BAIAP2: variants seen among roughly 807,000 people sequenced by gnomAD.
The protein encoded by BAIAP2 is BAR/IMD domain-containing adapter protein 2.
BAIAP2 carries 18 observed loss-of-function variants against 63.0 expected under a neutral mutation model. The ratio of observed to expected loss-of-function variants is 0.29; its 90% CI spans 0.20 to 0.42. BAIAP2 has a LOEUF of 0.42. Ranked by LOEUF, BAIAP2 falls within the 10% of genes least tolerant of loss-of-function variation. BAIAP2 has a pLI of 1.00. For missense variants in BAIAP2, 610 were observed against 734.3 expected, an observed-to-expected ratio of 0.83 and a Z score of 1.96; for synonymous variants, 386 against 307.6, an observed-to-expected ratio of 1.25 and a Z score of -2.67.
chr17:81,103,635 C>T lies in BAIAP2; in HGVS notation c.776C>T (p.Ser259Leu), dbSNP rs1031453012. 2.5e-6 allele frequency: 4 copies of T among 1,605,492 alleles called. No homozygotes were observed. The highest frequency in any genetic ancestry group is 2.2e-5 in the East Asian group (1 of 44,784). ...SNGATLPSAL[S>L]ASKSNLVISD... ...GGCGCCACCCTCCCCAGCGCCCTGT[C>T]GGCCTCCAAGTCCAACCTGGTCATT... The change falls in exon 8 of 14, where the codon TCG becomes TTG. Residue 259 changes from serine to leucine, a missense_variant. Ser to Leu is a moderately radical substitution (Grantham distance 145, BLOSUM62 -2). Around this residue, in one of 5 missense-constraint regions of BAIAP2, gnomAD observed 389 missense variants for 455.6 expected, o/e 0.85. Coordinates refer to ENST00000428708, the MANE Select transcript of BAIAP2 (RefSeq NM_001144888.2).
At chr17:81,101,897 C>A (rs78682947) in intron 7 of BAIAP2, among the ~76,000 whole-genome samples, 3 of 152,254 alleles carry the variant, frequency 2.0e-5, no homozygotes, top group Non-Finnish European at 4.4e-5. Context: ...GCAGGCCTCC[C>A]GCCTGCTAGA....
intron 1 of BAIAP2, among the ~76,000 whole-genome samples, chr17:81,049,804 C>A (rs752934035): frequency 1.3e-5 from 2 of 152,224 alleles, no homozygotes; most frequent in Non-Finnish European, 2.9e-5. Flanking sequence ...GGCCCCCGGA[C>A]CAGGACCTTG....
At chr17:81,080,594 C>T (rs990400372) in intron 3 of BAIAP2, among the ~76,000 whole-genome samples, 199 of 152,184 alleles carry the variant, frequency 1.3e-3, no homozygotes, top group Non-Finnish European at 2.5e-4. Context: ...TTCAGCAGTC[C>T]CTTTTTCAAA....
intron 3 of BAIAP2, among the ~76,000 whole-genome samples, chr17:81,069,136 C>T (rs1277130494): frequency 6.6e-6 from 1 of 152,202 alleles, no homozygotes; most frequent in Non-Finnish European, 1.5e-5. Context: ...GGCAGAGCAT[C>T]AACTTCTGGT....
chr17:81,051,398 T>G (rs2048663015), intron 1 of BAIAP2, among the ~76,000 whole-genome samples: 1 of 152,158 alleles, frequency 6.6e-6, no homozygotes, highest in African/African-American at 2.4e-5. Flanking sequence ...GTTTTGTTTT[T>G]TTGTATTTAT....
chr17:81,058,951 C>A (rs2050084640), intron 3 of BAIAP2, among the ~76,000 whole-genome samples: 1 of 152,190 alleles, frequency 6.6e-6, no homozygotes, highest in Admixed American at 6.5e-5. Context: ...TGTGTCACTT[C>A]CAGCTCCCAG....
intron 3 of BAIAP2, among the ~76,000 whole-genome samples, chr17:81,058,346 C>A (rs906671204): frequency 6.6e-6 from 1 of 152,182 alleles, no homozygotes; most frequent in South Asian, 2.1e-4. Flanking sequence ...TGGTGTGGCC[C>A]TGAGGAAGAC....
At chr17:81,071,368 T>A (rs2052622914) in intron 3 of BAIAP2, among the ~76,000 whole-genome samples, 1 of 152,174 alleles carries the variant, frequency 6.6e-6, no homozygotes, top group Admixed American at 6.5e-5. Context: ...ATGAGGGCGC[T>A]CTGTTCGAGC....
At chr17:81,097,160 C>G (rs932779445) in intron 6 of BAIAP2, among the ~76,000 whole-genome samples, 1 of 152,206 alleles carries the variant, frequency 6.6e-6, no homozygotes, top group Non-Finnish European at 1.5e-5. Context: ...GGCCCTACAG[C>G]GCCTCTGGAG....
chr17:81,080,791 A>G (rs1203831914), intron 3 of BAIAP2, among the ~76,000 whole-genome samples: 12 of 152,072 alleles, frequency 7.9e-5, no homozygotes, highest in Admixed American at 7.9e-4. Context: ...CTGAGGTGGG[A>G]GGATCACAGA....
chr17:81,042,232 T>G (rs1018098050), intron 1 of BAIAP2, among the ~76,000 whole-genome samples: 10 of 147,906 alleles, frequency 6.8e-5, no homozygotes, highest in Admixed American at 1.4e-4. Context: ...AGCCTGAAAC[T>G]CCTAGGCTTA....
intron 1 of BAIAP2, among the ~76,000 whole-genome samples, chr17:81,049,163 T>C (rs1422973927): frequency 6.6e-6 from 1 of 152,248 alleles, no homozygotes; most frequent in Non-Finnish European, 1.5e-5. Flanking sequence ...GCGTTTGTAC[T>C]GCACAGGTCC....
rs529841967 is a variant in BAIAP2, at chr17:81,116,281, C to T, written c.*442C>T. 1.2e-4 allele frequency: 201 copies of T among 1,612,866 alleles called. 2 individuals carry two copies. The Middle Eastern group carries it at 1.5e-3, about 12-fold the overall frequency. ...AAGGCCGGGAGCACGGGGATGGGAGCGCCCGCACCCTGGCTGGAAGATGAA... is the reference window on the plus strand; with the variant it reads ...AAGGCCGGGAGCACGGGGATGGGAGTGCCCGCACCCTGGCTGGAAGATGAA... On this transcript the variant is annotated 3_prime_UTR_variant, in exon 14 of 14. Transcript: ENST00000428708.
intron 6 of BAIAP2, among the ~76,000 whole-genome samples, chr17:81,088,134 A>G (rs1340885321): frequency 2.0e-5 from 3 of 152,002 alleles, no homozygotes; most frequent in African/African-American, 4.8e-5. Context: ...AGCGGACGGC[A>G]CCCCTGCGGC....
At chr17:81,093,091 G>A (rs951615663) in intron 6 of BAIAP2, among the ~76,000 whole-genome samples, 1 of 49,836 alleles carries the variant, frequency 2.0e-5, no homozygotes, top group Non-Finnish European at 4.9e-5. Context: ...GGGCTGGGCT[G>A]GGCTGGGCTG....
chr17:81,053,070 T>G (rs2048921472), intron 1 of BAIAP2, among the ~76,000 whole-genome samples: 1 of 152,218 alleles, frequency 6.6e-6, no homozygotes, highest in Admixed American at 6.5e-5. Context: ...GCCTTCGCAG[T>G]GAAAATCTAA....
chr17:81,086,517 G>A lies in BAIAP2; in HGVS notation c.426G>A (p.Lys142=). 6.2e-7 allele frequency: 1 copy of A among 1,614,006 alleles called. No homozygotes were observed. Among genetic ancestry groups the A allele is most frequent in the Non-Finnish European group, 8.5e-7 (1 of 1,180,030 alleles). The change falls in exon 6 of 14, where the codon AAG becomes AAA. Residue 142 remains lysine, a synonymous_variant. Transcript: ENST00000428708. Reference sequence around the variant, plus strand: ...TGGACAAGTGTCAGGCTGAGCTGAAGAAGCTTCGGAAGAAGAGCCAGGGCA... The same window carrying A: ...TGGACAAGTGTCAGGCTGAGCTGAAAAAGCTTCGGAAGAAGAGCCAGGGCA... The part of the protein sequence containing the change: ...DALDKCQAEL[K]KLRKKSQGSK...
At chr17:81,078,503 C>T (rs1261644965) in intron 3 of BAIAP2, among the ~76,000 whole-genome samples, 6 of 118,376 alleles carry the variant, frequency 5.1e-5, no homozygotes, top group African/African-American at 2.0e-4. Context: ...GGTGCCATCT[C>T]GGAGCTGGGT....
chr17:81,059,133 C>G lies in BAIAP2; in HGVS notation c.217+1166C>G, dbSNP rs866341867. 8.7e-3 allele frequency among the ~76,000 whole-genome samples: 1,326 copies of G among 152,240 alleles called. 22 individuals are homozygous for G. The highest frequency in any genetic ancestry group is 0.029 in the African/African-American group (1,224 of 41,542). ...CGGACCCTCATCGGAGCCCCCCCCC[C>G]ACGCCCCCACAGGCTGCTGCCTTGG... is the stretch of plus-strand genomic sequence containing the variant. On this transcript the variant is annotated intron_variant, in intron 3 of 13. Transcript: ENST00000428708.
Sources: gnomAD v4.1 joint callset for allele counts (sites outside exome capture counted in the v4.1 genomes callset) on GRCh38, gnomAD v4.1.1 for gene constraint, gnomAD v4.1.1 regional missense constraint, MANE v1.5 for transcripts, NCBI Gene and HGNC (gene_info 2026-07-23, HGNC 2026-07-21) for gene names.